Variants in ACKR5 observed in about 807,000 individuals in gnomAD.
The protein encoded by ACKR5 is atypical chemokine receptor 5, also known as G protein-coupled receptor 182.
the ACKR5 span, chr12:56,997,687 G>C: frequency 5.3e-5 from 8 of 152,214 alleles, no homozygotes; most frequent in Admixed American, 3.9e-4. Context: ...CCTGCCCGTG[G>C]TAAGGGGACT....
At chr12:56,996,085 C>T in the ACKR5 span, 1 of 1,613,320 alleles carries the variant, frequency 6.2e-7, no homozygotes, top group Non-Finnish European at 8.5e-7. Flanking sequence ...CCCTCCACTG[C>T]CACCTGGTCC....
At chr12:56,998,825 G>A in the ACKR5 span, 2 of 152,650 alleles carry the variant, frequency 1.3e-5, no homozygotes, top group African/African-American at 2.4e-5. Flanking sequence ...TAGGTAGGAA[G>A]AGAACTCTCA....
chr12:56,997,309 GCAGCCCTTGGGA>G, the ACKR5 span: 2 of 152,270 alleles, frequency 1.3e-5, no homozygotes, highest in Admixed American at 1.3e-4. Context: ...CATTCCGGGA[GCAGCCCTTGGGA>G]CAGCCAGCAG....
the ACKR5 span, chr12:56,995,852 G>A: frequency 1.3e-5 from 21 of 1,613,396 alleles, no homozygotes; most frequent in Non-Finnish European, 1.7e-5. The surrounding 1 kb of genome is among the most constrained non-coding windows in gnomAD (Gnocchi z 4.7). Flanking sequence ...CAGCACCTGG[G>A]CCCTGGCGGT....
At chr12:56,997,903 C>T in the ACKR5 span, 8 of 152,236 alleles carry the variant, frequency 5.3e-5, no homozygotes, top group Non-Finnish European at 1.2e-4. Context: ...GGAAGGAAAC[C>T]TGCATCTCCC....
the ACKR5 span, chr12:56,995,613 TC>T: frequency 6.2e-7 from 1 of 1,614,162 alleles, no homozygotes; most frequent in South Asian, 1.1e-5. This position sits in a 1 kb window ranked among gnomAD's most constrained non-coding sequence, Gnocchi z 4.7. Context: ...TTCTACTTTG[TC>T]AACATGTATA....
the ACKR5 span, chr12:56,998,087 A>C: frequency 6.6e-6 from 1 of 152,240 alleles, no homozygotes; most frequent in Non-Finnish European, 1.5e-5. Flanking sequence ...GTCCCAACAC[A>C]AAAAAGCAAG....
At chr12:56,995,293 C>T in the ACKR5 span, 1 of 1,614,238 alleles carries the variant, frequency 6.2e-7, no homozygotes, top group Non-Finnish European at 8.5e-7. This position sits in a 1 kb window ranked among gnomAD's most constrained non-coding sequence, Gnocchi z 4.7. Context: ...AGATCCACAA[C>T]TGGACCGAGC....
chr12:56,995,470 G>A, the ACKR5 span: 1 of 1,614,066 alleles, frequency 6.2e-7, no homozygotes, highest in Admixed American at 1.7e-5. The surrounding 1 kb of genome is among the most constrained non-coding windows in gnomAD (Gnocchi z 4.7). Flanking sequence ...GGGCAGGGCT[G>A]ATGAACCTCT....
chr12:56,995,959 AC>A, the ACKR5 span: 1 of 1,612,094 alleles, frequency 6.2e-7, no homozygotes, highest in South Asian at 1.1e-5. This position sits in a 1 kb window ranked among gnomAD's most constrained non-coding sequence, Gnocchi z 4.7. Context: ...AGCCAGGACA[AC>A]CCAAGAGCCG....
chr12:56,996,497 T>G, the ACKR5 span: 6 of 1,386,568 alleles, frequency 4.3e-6, no homozygotes, highest in Non-Finnish European at 5.9e-6. Context: ...TTTGGGGGGA[T>G]GTAGAGGGGA....
chr12:56,995,306 C>T, the ACKR5 span: 12 of 1,614,230 alleles, frequency 7.4e-6, no homozygotes, highest in Non-Finnish European at 1.0e-5. The surrounding 1 kb of genome is among the most constrained non-coding windows in gnomAD (Gnocchi z 4.7). Context: ...GACCGAGCTG[C>T]TTGACCTCTT....
the ACKR5 span, chr12:56,995,101 C>A: frequency 1.0e-6 from 1 of 963,224 alleles, no homozygotes; most frequent in Non-Finnish European, 1.6e-6. This position sits in a 1 kb window ranked among gnomAD's most constrained non-coding sequence, Gnocchi z 4.7. Context: ...CAGAATCTTT[C>A]CCCAAAGCCC....
chr12:56,995,644 G>A, the ACKR5 span: 2 of 1,614,070 alleles, frequency 1.2e-6, no homozygotes, highest in Admixed American at 1.7e-5. This position sits in a 1 kb window ranked among gnomAD's most constrained non-coding sequence, Gnocchi z 4.7. Context: ...TCTTCCTGGT[G>A]TGCCTCAGTG....
the ACKR5 span, chr12:56,996,030 A>G: frequency 1.2e-6 from 2 of 1,610,732 alleles, no homozygotes; most frequent in African/African-American, 1.3e-5. Flanking sequence ...TGGCTGCCCT[A>G]TCATGTGACC....
At chr12:56,995,487 TCAA>T in the ACKR5 span, 3 of 1,614,170 alleles carry the variant, frequency 1.9e-6, no homozygotes, top group Non-Finnish European at 2.5e-6. The surrounding 1 kb of genome is among the most constrained non-coding windows in gnomAD (Gnocchi z 4.7). Flanking sequence ...CTCTACATCC[TCAA>T]CATGGCCATC....
chr12:56,995,963 A>G, the ACKR5 span: 1 of 1,611,870 alleles, frequency 6.2e-7, no homozygotes, highest in South Asian at 1.1e-5. The surrounding 1 kb of genome is among the most constrained non-coding windows in gnomAD (Gnocchi z 4.7). Context: ...AGGACAACCC[A>G]AGAGCCGGCG....
chr12:56,997,899 A>G, the ACKR5 span: 1 of 152,242 alleles, frequency 6.6e-6, no homozygotes, highest in Admixed American at 6.5e-5. Context: ...GCATGGAAGG[A>G]AACCTGCATC....
At chr12:56,997,705 A>G in the ACKR5 span, 1 of 152,206 alleles carries the variant, frequency 6.6e-6, no homozygotes, top group Non-Finnish European at 1.5e-5. Context: ...ACTGGATGGA[A>G]TCACTGATAG....
Sources: gnomAD v4.1 joint callset for allele counts on GRCh38, gnomAD v4.1.1 for gene constraint, Gnocchi (gnomAD v3.1) non-coding constraint, MANE v1.5 for transcripts, NCBI Gene and HGNC (gene_info 2026-07-23, HGNC 2026-07-21) for gene names.